Variants in PAH observed in about 807,000 individuals in gnomAD.
PAH encodes phenylalanine hydroxylase.
PAH carries 64 observed loss-of-function variants against 62.0 expected under a neutral mutation model. The observed-to-expected ratio is 1.03, with a 90% CI of 0.84 to 1.27. The LOEUF (loss-of-function observed/expected upper bound fraction) is 1.27. PAH is among the 50% of genes most tolerant of loss of function. The pLI is 0.00. For synonymous variants in PAH, 195 were observed against 196.2 expected (o/e 0.99, Z 0.05); for missense variants, 579 against 542.8 (o/e 1.07, Z -0.66).
At chr12:102,898,321 A>G (rs2136706909) in intron 2 of PAH, among the ~76,000 whole-genome samples, 1 of 152,358 alleles carries the variant, frequency 6.6e-6, no homozygotes, top group South Asian at 2.1e-4. Flanking sequence ...AATGCCCAGC[A>G]AATCATCTGC....
chr12:102,867,996 G>A lies in PAH; in HGVS notation c.442-1333C>T, dbSNP rs563201861. Among the ~76,000 whole-genome samples the A allele has an allele frequency of 1.7e-3, 191 of 113,792 alleles. 6 individuals carry two copies. The highest frequency in any genetic ancestry group is 3.0e-3 in the African/African-American group (84 of 27,884). The allele number at this position is 113,792 out of a possible 152,430, so 74.7% of individuals were successfully genotyped here. A position where few individuals can be genotyped will look rare whatever the true frequency, so the allele number is the denominator to read the frequency against. Reference sequence around the variant, plus strand: ...ATGTATATATAGATGTATATTACATGTATATATGTATATACATATATACAT... The same window carrying A: ...ATGTATATATAGATGTATATTACATATATATATGTATATACATATATACAT... On this transcript the variant is annotated intron_variant, in intron 4 of 12. Coordinates refer to ENST00000553106, the MANE Select transcript of PAH (RefSeq NM_000277.3).
At chr12:102,911,242 C>T (rs1031424726) in intron 2 of PAH, among the ~76,000 whole-genome samples, 1 of 152,102 alleles carries the variant, frequency 6.6e-6, no homozygotes, top group African/African-American at 2.4e-5. Flanking sequence ...ATGAGAGAGA[C>T]CACAGAAGAA....
chr12:102,897,015 T>C (rs1877533716), intron 2 of PAH, among the ~76,000 whole-genome samples: 1 of 152,218 alleles, frequency 6.6e-6, no homozygotes, highest in African/African-American at 2.4e-5. Flanking sequence ...TGTTGCTTCT[T>C]GTTTTTCTGC....
intron 1 of PAH, among the ~76,000 whole-genome samples, chr12:102,956,101 C>A (rs536664855): frequency 1.3e-5 from 2 of 152,302 alleles, no homozygotes; most frequent in East Asian, 3.9e-4. Context: ...GATCCACCTC[C>A]ACAAAGGGGA....
At chr12:102,850,210 C>T (rs1441393324) in intron 8 of PAH, among the ~76,000 whole-genome samples, 1 of 152,222 alleles carries the variant, frequency 6.6e-6, no homozygotes, top group Non-Finnish European at 1.5e-5. Flanking sequence ...GGTGATGCTT[C>T]TACAGTTAAA....
intron 10 of PAH, 127 bp downstream of exon 10, chr12:102,844,209 G>T: frequency 4.1e-6 from 3 of 726,286 alleles, no homozygotes; most frequent in Non-Finnish European, 5.0e-6. Context: ...CCAATCACTG[G>T]AGAATGAGTT....
chr12:102,929,442 G>A (rs144366003), intron 1 of PAH, among the ~76,000 whole-genome samples: 165 of 152,310 alleles, frequency 1.1e-3, no homozygotes, highest in African/African-American at 3.8e-3. Context: ...AGAAGGAATA[G>A]CATGAGCAAA....
At chr12:102,882,501 C>T (rs1184250894) in intron 3 of PAH, among the ~76,000 whole-genome samples, 1 of 151,590 alleles carries the variant, frequency 6.6e-6, no homozygotes, top group Non-Finnish European at 1.5e-5. Flanking sequence ...AGTTAATATG[C>T]GTGATTTATG....
intron 6 of PAH, 111 bp downstream of exon 6, chr12:102,855,025 C>T (rs780465541): frequency 1.1e-6 from 1 of 887,914 alleles, no homozygotes; most frequent in African/African-American, 1.7e-5. Flanking sequence ...TGCATTCCTA[C>T]AAGCACATGC....
At chr12:102,910,643 T>TCAACTC (rs146166005) in intron 2 of PAH, among the ~76,000 whole-genome samples, 2,425 of 152,304 alleles carry the variant, frequency 0.016, 77 homozygotes, top group African/African-American at 0.055. Flanking sequence ...GTGCTGGGAT[T>TCAACTC]ACAGGCGTGA....
At chr12:102,919,510 C>G (rs1393749848), upstream of PAH, among the ~76,000 whole-genome samples, 1 of 152,122 alleles carries the variant, frequency 6.6e-6, no homozygotes, top group East Asian at 1.9e-4. Context: ...TATATTCGCC[C>G]TGTTGTACTA....
At chr12:102,885,671 G>A (rs967923451) in intron 3 of PAH, among the ~76,000 whole-genome samples, 4 of 152,168 alleles carry the variant, frequency 2.6e-5, no homozygotes, top group Admixed American at 2.0e-4. Flanking sequence ...GAGCACCACT[G>A]AGCAAAAGAC....
rs368468051 is a variant in PAH at position 102,839,153 on chromosome 12, A to G, written c.*22T>C. 15 of 1,610,332 alleles carry G rather than the reference A, an allele frequency of 9.3e-6. No homozygotes were observed. Among genetic ancestry groups the G allele is most frequent in the Non-Finnish European group, 1.3e-5 (15 of 1,176,616 alleles). On this transcript the variant is annotated 3_prime_UTR_variant, in exon 13 of 13. Coordinates refer to ENST00000553106, the MANE Select transcript of PAH (RefSeq NM_000277.3). Reference sequence around the variant, plus strand: ...CTCCATCAACAGATTCACAGCTGACAGACCACATTCTGTCCATGGCTTTAC... The same window carrying G: ...CTCCATCAACAGATTCACAGCTGACGGACCACATTCTGTCCATGGCTTTAC...
At chr12:102,904,676 T>C in intron 2 of PAH, 1 of 447,168 alleles carries the variant, frequency 2.2e-6, no homozygotes. Context: ...TGCCACTTAT[T>C]TCCTTTAATT....
At chr12:102,850,288 A>C (rs1875087077) in intron 8 of PAH, among the ~76,000 whole-genome samples, 1 of 152,186 alleles carries the variant, frequency 6.6e-6, no homozygotes, top group Admixed American at 6.5e-5. Flanking sequence ...TAATTCCCCA[A>C]ACCTCACATA....
At chr12:102,879,430 C>CA (rs1170018310) in intron 3 of PAH, among the ~76,000 whole-genome samples, 1 of 151,732 alleles carries the variant, frequency 6.6e-6, no homozygotes, top group African/African-American at 2.4e-5. Flanking sequence ...GTGATCTAAA[C>CA]AGGAGCCTCA....
chr12:102,900,343 C>T (rs1396675104), intron 2 of PAH, among the ~76,000 whole-genome samples: 1 of 152,028 alleles, frequency 6.6e-6, no homozygotes, highest in African/African-American at 2.4e-5. Flanking sequence ...GCCACTGTGC[C>T]CAGACACATT....
chr12:102,917,099 A>G lies in PAH; in HGVS notation c.32T>C (p.Leu11Ser), dbSNP rs1346707834. 6.2e-7 allele frequency: 1 copy of G among 1,614,190 alleles called. No homozygotes were observed. The highest frequency in any genetic ancestry group is 1.7e-5 in the Admixed American group (1 of 60,024). The change falls in exon 1 of 13, where the codon TTG becomes TCG. Residue 11 changes from leucine to serine, a missense_variant. Transcript: ENST00000553106. MSTAVLENPG[L>S]GRKLSDFGQE... is the part of the protein sequence containing the mutation. Reference sequence around the variant, plus strand: ...TCCAAAGTCAGAGAGTTTCCTGCCCAAGCCTGGGTTTTCCAGGACCGCAGT... The same window carrying G: ...TCCAAAGTCAGAGAGTTTCCTGCCCGAGCCTGGGTTTTCCAGGACCGCAGT...
intron 1 of PAH, among the ~76,000 whole-genome samples, chr12:102,922,442 T>C (rs1247037023): frequency 6.6e-6 from 1 of 152,210 alleles, no homozygotes; most frequent in African/African-American, 2.4e-5. Context: ...TCCACCCACC[T>C]CAGCCTTCCA....
Sources: allele counts gnomAD v4.1 joint callset (sites outside exome capture counted in the v4.1 genomes callset), GRCh38; gene constraint gnomAD v4.1.1; transcripts MANE v1.5; gene names NCBI Gene and HGNC (gene_info 2026-07-23, HGNC 2026-07-21).